Variants in CHL1 observed in about 807,000 individuals in gnomAD.
The protein encoded by CHL1 is cell adhesion molecule L1 like.
A neutral mutation model predicts 141.9 loss-of-function variants in CHL1; 96 were observed. That is an observed-to-expected ratio of 0.68 (90% CI 0.57 to 0.80). CHL1 has a LOEUF of 0.80. Ranked by LOEUF, CHL1 falls within the 30% of genes least tolerant of loss-of-function variation. The pLI, the probability that CHL1 is intolerant of heterozygous loss-of-function variation, is 0.00. For synonymous variants in CHL1, 613 were observed against 502.2 expected, an observed-to-expected ratio of 1.22 and a Z score of -2.95; for missense variants, 1,820 against 1,457.2, an observed-to-expected ratio of 1.25 and a Z score of -4.05.
intron 2 of CHL1, among the ~76,000 whole-genome samples, chr3:300,962 A>C (rs974097896): frequency 2.0e-5 from 3 of 152,156 alleles, no homozygotes; most frequent in Admixed American, 1.3e-4. Context: ...AGAACATGTA[A>C]TTGAAGCTCA....
chr3:322,662 ATATAT>A (rs1471124565), intron 3 of CHL1, among the ~76,000 whole-genome samples: 80 of 138,954 alleles, frequency 5.8e-4, no homozygotes, highest in African/African-American at 2.0e-3. Flanking sequence ...ATATATATAT[ATATAT>A]ATAATTATAT....
At chr3:222,927 C>T (rs1008935073) in intron 1 of CHL1, among the ~76,000 whole-genome samples, 1 of 152,054 alleles carries the variant, frequency 6.6e-6, no homozygotes, top group African/African-American at 2.4e-5. Flanking sequence ...ATAGCATCTT[C>T]CAATTTTCCT....
At chr3:319,137 A>C (rs1700357849) in intron 2 of CHL1, among the ~76,000 whole-genome samples, 1 of 151,882 alleles carries the variant, frequency 6.6e-6, no homozygotes, top group African/African-American at 2.4e-5. Flanking sequence ...GATAAGAATA[A>C]TAGAATATTA....
In CHL1 at chr3:325,941, A is replaced by T. The variant is rs759606025; in HGVS notation, c.92-18A>T. 2 of 1,557,294 alleles carry T rather than the reference A, an allele frequency of 1.3e-6. No homozygotes were observed. Among genetic ancestry groups the T allele is most frequent in the Non-Finnish European group, 1.8e-6 (2 of 1,131,912 alleles). Reference sequence around the variant, plus strand: ...CTGTTTGAATAGTGTGTTTTTAAGTACATATTTTAATATTTAGTTCAACAG... The same window carrying T: ...CTGTTTGAATAGTGTGTTTTTAAGTTCATATTTTAATATTTAGTTCAACAG... On this transcript the variant is annotated intron_variant, in intron 3 of 27. Transcript: ENST00000256509.
chr3:288,216 C>T (rs529716780), intron 2 of CHL1, among the ~76,000 whole-genome samples: 6 of 152,286 alleles, frequency 3.9e-5, no homozygotes, highest in South Asian at 2.1e-4. Context: ...GAAAGTTGGT[C>T]ACTACTTTAA....
chr3:306,605 A>G (rs1346275891), intron 2 of CHL1, among the ~76,000 whole-genome samples: 2 of 152,114 alleles, frequency 1.3e-5, no homozygotes, highest in African/African-American at 4.8e-5. Flanking sequence ...TTTTTGTATC[A>G]CTGTTTGGTG....
intron 5 of CHL1, among the ~76,000 whole-genome samples, chr3:333,143 T>TTTTTTTTTTTTTTTTTTTTTTC (rs1237327395): frequency 6.9e-6 from 1 of 144,756 alleles, no homozygotes; most frequent in Non-Finnish European, 1.5e-5. Flanking sequence ...ATTTTTTTTT[T>TTTTTTTTTTTTTTTTTTTTTTC]TTGCTGCTGC....
intron 2 of CHL1, among the ~76,000 whole-genome samples, chr3:311,414 C>A (rs1308679169): frequency 6.7e-6 from 1 of 150,092 alleles, no homozygotes; most frequent in Non-Finnish European, 1.5e-5. Context: ...GTATCTGTCA[C>A]AGTGAGGGTT....
At chr3:232,389 T>C (rs1440318667) in intron 1 of CHL1, among the ~76,000 whole-genome samples, 1 of 152,180 alleles carries the variant, frequency 6.6e-6, no homozygotes, top group Non-Finnish European at 1.5e-5. Flanking sequence ...TTTACAATAA[T>C]TAGCATATTA....
At chr3:389,956 G>C (rs1209766846) in intron 20 of CHL1, among the ~76,000 whole-genome samples, 2 of 152,114 alleles carry the variant, frequency 1.3e-5, no homozygotes, top group Non-Finnish European at 2.9e-5. Context: ...TGATGCCATA[G>C]TAACTGCTGC....
At chr3:369,624 C>G (rs1387961749) in intron 15 of CHL1, among the ~76,000 whole-genome samples, 1 of 152,214 alleles carries the variant, frequency 6.6e-6, no homozygotes, top group Non-Finnish European at 1.5e-5. Flanking sequence ...GCCAGAACTT[C>G]CAATACTATG....
chr3:311,639 C>A (rs1699761674), intron 2 of CHL1, among the ~76,000 whole-genome samples: 1 of 152,094 alleles, frequency 6.6e-6, no homozygotes, highest in East Asian at 1.9e-4. Flanking sequence ...CAGGTCTTAC[C>A]CTCTTATGAG....
At chr3:323,657 A>T (rs1269923575) in intron 3 of CHL1, among the ~76,000 whole-genome samples, 1 of 152,142 alleles carries the variant, frequency 6.6e-6, no homozygotes, top group Non-Finnish European at 1.5e-5. Flanking sequence ...ATATCTTTGA[A>T]CAAATCAACC....
intron 19 of CHL1, among the ~76,000 whole-genome samples, chr3:388,416 G>T (rs1397409751): frequency 6.6e-6 from 1 of 151,856 alleles, no homozygotes; most frequent in Non-Finnish European, 1.5e-5. Flanking sequence ...GCGTGGTGGT[G>T]CATGCCTGTA....
chr3:336,369 T>TTTTG (rs1182919479), intron 5 of CHL1, among the ~76,000 whole-genome samples: 4 of 152,138 alleles, frequency 2.6e-5, no homozygotes, highest in African/African-American at 9.7e-5. Context: ...GTTTTTTGGT[T>TTTTG]TTTGTTTTTT....
chr3:360,418 G>A lies in CHL1; in HGVS notation c.1300G>A (p.Val434Ile), dbSNP rs1704121957. 1 of 1,613,260 alleles carries A rather than the reference G, an allele frequency of 6.2e-7. No individual in the cohort carries two copies. Among genetic ancestry groups the A allele is most frequent in the South Asian group, 1.1e-5 (1 of 90,910 alleles). The change falls in exon 12 of 28, where the codon GTT becomes ATT. Residue 434 changes from valine to isoleucine, a missense_variant. Transcript: ENST00000256509. Reference sequence around the variant, plus strand: ...TATCCTTGCCAATGCCAATATTGATGTTGTGGGTGAGTGTGCCTGGGAGCT... The same window carrying A: ...TATCCTTGCCAATGCCAATATTGATATTGTGGGTGAGTGTGCCTGGGAGCT... Reference protein sequence around the residue: ...GTILANANIDVVDVRPLIQTK... With the variant: ...GTILANANIDIVDVRPLIQTK...
rs937334382 is a variant in CHL1, at chr3:325,221, T to C, written c.92-738T>C. On this transcript the variant is annotated intron_variant, in intron 3 of 27. Coordinates refer to ENST00000256509, the MANE Select transcript of CHL1 (RefSeq NM_006614.4). ...AAGGAGTTTATATTTTCCTTTGTAA[T>C]AAATGCTAAACTATTTTATTATTTT... Among the ~76,000 whole-genome samples, 5 of 151,800 alleles carry C rather than the reference T, an allele frequency of 3.3e-5. 1 individual carries two copies. Among genetic ancestry groups the C allele is most frequent in the Middle Eastern group, 6.8e-3 (2 of 292 alleles).
intron 1 of CHL1, among the ~76,000 whole-genome samples, chr3:200,479 G>C (rs984602450): frequency 6.6e-6 from 1 of 152,230 alleles, no homozygotes. Flanking sequence ...CCAAGATTGA[G>C]AATACTATAT....
intron 2 of CHL1, among the ~76,000 whole-genome samples, chr3:311,785 T>C (rs1699772819): frequency 6.6e-6 from 1 of 152,196 alleles, no homozygotes; most frequent in African/African-American, 2.4e-5. Context: ...TTAAGTTTTG[T>C]GCATTTTAGT....
Sources: allele counts gnomAD v4.1 joint callset (sites outside exome capture counted in the v4.1 genomes callset), GRCh38; gene constraint gnomAD v4.1.1; transcripts MANE v1.5; gene names NCBI Gene and HGNC (gene_info 2026-07-23, HGNC 2026-07-21).